The following ANKRD17 variants were observed in gnomAD, a reference collection of about 807,000 sequenced individuals.
ANKRD17 encodes the protein ankyrin repeat domain 17.
ANKRD17 carries 19 observed loss-of-function variants against 229.7 expected under a neutral mutation model. The ratio of observed to expected loss-of-function variants is 0.08; its 90% CI spans 0.06 to 0.12. The LOEUF is 0.12. Among genes scored for constraint, ANKRD17 ranks in the 10% least tolerant of loss-of-function variants. The pLI is 1.00. For missense variants in ANKRD17, 2,176 were observed against 3,176.8 expected, an observed-to-expected ratio of 0.68 and a Z score of 7.57; for synonymous variants, 1,112 against 1,146.1, an observed-to-expected ratio of 0.97 and a Z score of 0.60.
intron 1 of ANKRD17, among the ~76,000 whole-genome samples, chr4:73,239,485 A>T (rs1033230952): frequency 2.6e-5 from 4 of 152,232 alleles, no homozygotes; most frequent in Non-Finnish European, 5.9e-5. Context: ...ATGTGTATTA[A>T]CGTGAAAATC....
chr4:73,243,372 T>A (rs748456360), intron 1 of ANKRD17, among the ~76,000 whole-genome samples: 3 of 152,050 alleles, frequency 2.0e-5, no homozygotes, highest in Non-Finnish European at 2.9e-5. Context: ...GAAGTTCAAG[T>A]AAGAAAATAG....
chr4:73,247,772 A>T (rs1394837200), intron 1 of ANKRD17, among the ~76,000 whole-genome samples: 1 of 152,006 alleles, frequency 6.6e-6, no homozygotes, highest in Non-Finnish European at 1.5e-5. Flanking sequence ...AAGAAAGCTC[A>T]TCAATAAAAA....
intron 1 of ANKRD17, among the ~76,000 whole-genome samples, chr4:73,204,358 CAAAAA>C (rs374000000): frequency 7.1e-4 from 42 of 59,152 alleles, no homozygotes; most frequent in African/African-American, 2.6e-3. Flanking sequence ...GAGACTCCGT[CAAAAA>C]AAAAAAAAAA....
At chr4:73,244,003 T>G (rs997502283) in intron 1 of ANKRD17, among the ~76,000 whole-genome samples, 2 of 152,174 alleles carry the variant, frequency 1.3e-5, no homozygotes. Context: ...TCTGGGTGTC[T>G]GCAGATTTGT....
At chr4:73,248,705 A>G (rs1226601849) in intron 1 of ANKRD17, among the ~76,000 whole-genome samples, 1 of 152,008 alleles carries the variant, frequency 6.6e-6, no homozygotes, top group Non-Finnish European at 1.5e-5. Context: ...ACTAACTACA[A>G]TATGTACAAA....
At chr4:73,159,588 AT>A (rs1029092796) in intron 3 of ANKRD17, among the ~76,000 whole-genome samples, 3 of 151,782 alleles carry the variant, frequency 2.0e-5, no homozygotes, top group African/African-American at 2.4e-5. Flanking sequence ...AATATGTTCT[AT>A]TTTTTTTGCT....
intron 32 of ANKRD17, 65 bp from the exon 33 acceptor site, chr4:73,077,169 T>C (rs898067287): frequency 6.8e-6 from 10 of 1,466,018 alleles, no homozygotes; most frequent in Non-Finnish European, 8.2e-6. Context: ...ATATAATCAA[T>C]AGCCTTAAAA....
chr4:73,147,101 G>C (rs943770462), intron 9 of ANKRD17, 140 bp downstream of exon 9: 3 of 857,824 alleles, frequency 3.5e-6, no homozygotes, highest in Non-Finnish European at 5.2e-6. Context: ...AAACTGTTCA[G>C]AATACATACA....
intron 1 of ANKRD17, among the ~76,000 whole-genome samples, chr4:73,208,351 C>T (rs567640795): frequency 3.4e-4 from 51 of 152,234 alleles, no homozygotes; most frequent in African/African-American, 1.1e-3. Context: ...AGCTTCAATA[C>T]ATTTTTAAAA....
chr4:73,148,470 T>G (rs1168041540), intron 8 of ANKRD17, among the ~76,000 whole-genome samples: 2 of 152,202 alleles, frequency 1.3e-5, no homozygotes, highest in Non-Finnish European at 2.9e-5. Flanking sequence ...TACTTATTAG[T>G]AGGTATTCCG....
chr4:73,156,514 C>T (rs965059032), intron 3 of ANKRD17, among the ~76,000 whole-genome samples: 5 of 152,054 alleles, frequency 3.3e-5, no homozygotes, highest in Admixed American at 6.5e-5. Flanking sequence ...GGGGAAGGGA[C>T]CTGGTGGGAG....
intron 1 of ANKRD17, among the ~76,000 whole-genome samples, chr4:73,225,424 G>A (rs1286060374): frequency 1.3e-5 from 2 of 152,118 alleles, no homozygotes; most frequent in East Asian, 1.9e-4. Context: ...GGATTATGGG[G>A]TGCTTCTGTT....
At chr4:73,124,890 A>G (rs759787107) in intron 18 of ANKRD17, 23 bp downstream of exon 18, 1 of 1,609,132 alleles carries the variant, frequency 6.2e-7, no homozygotes, top group East Asian at 2.2e-5. Flanking sequence ...AAGGAAAACA[A>G]TTACACTAAG....
chr4:73,122,672 C>T (rs574294453), intron 18 of ANKRD17, among the ~76,000 whole-genome samples: 3 of 152,132 alleles, frequency 2.0e-5, no homozygotes, highest in Non-Finnish European at 4.4e-5. Context: ...TACTAACTGG[C>T]AAATAATAAA....
intron 1 of ANKRD17, among the ~76,000 whole-genome samples, chr4:73,222,408 C>T (rs1246539120): frequency 6.6e-6 from 1 of 151,838 alleles, no homozygotes; most frequent in Non-Finnish European, 1.5e-5. Flanking sequence ...GCATCAGTGC[C>T]CTAAATTTCA....
intron 1 of ANKRD17, among the ~76,000 whole-genome samples, chr4:73,208,188 CAAA>C (rs36126530): frequency 1.5e-5 from 1 of 67,964 alleles, no homozygotes; most frequent in Non-Finnish European, 2.7e-5. Context: ...GACTCCGTCT[CAAA>C]AAAAAAAAAA....
chr4:73,094,309 CTAAAA>C (rs1246124166), intron 27 of ANKRD17, 81 bp from the exon 28 acceptor site: 4 of 1,252,796 alleles, frequency 3.2e-6, no homozygotes, highest in Non-Finnish European at 3.4e-6. Context: ...AAGAGTATTA[CTAAAA>C]TGTCTTTCTA....
Position 73,161,206 on chromosome 4 carries a change from T to G in ANKRD17, c.690A>C (p.Ala230=). 6.2e-7 allele frequency: 1 copy of G among 1,613,792 alleles called. No homozygotes were observed. Among genetic ancestry groups the G allele is most frequent in the Non-Finnish European group, 8.5e-7 (1 of 1,179,936 alleles). Residue 230 remains alanine, a synonymous_variant, in exon 3 of 34, where the codon GCA becomes GCC. Coordinates refer to ENST00000358602, the MANE Select transcript of ANKRD17 (RefSeq NM_032217.5). The part of the protein sequence containing the change: ...TRMRAESTAN[A]GQSDNRSLAE... ...AATGTACTTACTTGTCCGACTGCCCTGCATTTGCTGTGCTTTCAGCTCTCA... is the reference window on the plus strand; with the variant it reads ...AATGTACTTACTTGTCCGACTGCCCGGCATTTGCTGTGCTTTCAGCTCTCA...
chr4:73,139,934 T>C lies in ANKRD17; in HGVS notation c.2682A>G (p.Gln894=). ...LKKQYLEVKA[Q]RIQLQQQQQQ... ...GCTGCTGTTGCTGAAGTTGAATTCTTTGAGCTTTAACCTCTAGATACTGCT... is the reference window on the plus strand; with the variant it reads ...GCTGCTGTTGCTGAAGTTGAATTCTCTGAGCTTTAACCTCTAGATACTGCT... The change falls in exon 15 of 34, where the codon CAA becomes CAG. Residue 894 remains glutamine, a synonymous_variant. Coordinates refer to ENST00000358602, the MANE Select transcript of ANKRD17 (RefSeq NM_032217.5). 6.2e-7 allele frequency: 1 copy of C among 1,614,218 alleles called. No homozygotes were observed. The highest frequency in any genetic ancestry group is 8.5e-7 in the Non-Finnish European group (1 of 1,180,050).
Sources: allele counts gnomAD v4.1 joint callset (sites outside exome capture counted in the v4.1 genomes callset), GRCh38; gene constraint gnomAD v4.1.1; transcripts MANE v1.5; gene names NCBI Gene and HGNC (gene_info 2026-07-23, HGNC 2026-07-21).